PIK3CA: variants seen among roughly 807,000 people sequenced by gnomAD.
The protein encoded by PIK3CA is phosphatidylinositol-4,5-bisphosphate 3-kinase catalytic subunit alpha, also known as phosphatidylinositol 4,5-bisphosphate 3-kinase catalytic subunit alpha isoform.
In PIK3CA, 27 loss-of-function variants were observed where a neutral mutation model predicts 138.2. The observed-to-expected ratio is 0.20, with a 90% CI of 0.14 to 0.27. PIK3CA has a LOEUF of 0.27. Among genes scored for constraint, PIK3CA ranks in the 10% least tolerant of loss-of-function variants. PIK3CA has a pLI of 1.00. For synonymous variants in PIK3CA, 358 were observed against 413.2 expected (o/e 0.87, Z 1.62); for missense variants, 544 against 1,277.4 (o/e 0.43, Z 8.75).
chr3:179,228,281 A>G (rs772704769), intron 17 of PIK3CA, among the ~76,000 whole-genome samples: 5 of 152,004 alleles, frequency 3.3e-5, no homozygotes, highest in Non-Finnish European at 4.4e-5. Context: ...GTTTTTTAGT[A>G]TGGTATAATG....
intron 6 of PIK3CA, among the ~76,000 whole-genome samples, chr3:179,205,944 G>A (rs1193268906): frequency 6.6e-6 from 1 of 152,174 alleles, no homozygotes; most frequent in African/African-American, 2.4e-5. Flanking sequence ...CCCTTTTAGA[G>A]CCTAGGTAAG....
At chr3:179,232,387 T>G (rs1725233634) in intron 20 of PIK3CA, among the ~76,000 whole-genome samples, 1 of 152,080 alleles carries the variant, frequency 6.6e-6, no homozygotes, top group Non-Finnish European at 1.5e-5. Flanking sequence ...CCAATTTATG[T>G]TTTTATATGT....
At position 179,219,212 on chromosome 3, in the gene PIK3CA, A is replaced by G; in HGVS notation, c.1681A>G (p.Ile561Val). ...CCCACACAGACACTATTGTGTAACTATCCCCGAAATTCTACCCAAATTGCT... is the reference window on the plus strand; with the variant it reads ...CCCACACAGACACTATTGTGTAACTGTCCCCGAAATTCTACCCAAATTGCT... ...LWSHRHYCVT[I>V]PEILPKLLLS... Residue 561 changes from isoleucine (I) to valine (V), a missense_variant, in exon 11 of 21, where the codon ATC becomes GTC. Physicochemically the swap from Ile to Val is conservative, Grantham distance 29. Around this residue, in one of 14 missense-constraint regions of PIK3CA, gnomAD observed 13 missense variants for 16.1 expected, o/e 0.81. Coordinates refer to ENST00000263967, the MANE Select transcript of PIK3CA (RefSeq NM_006218.4). This position sits in a 1 kb window ranked among gnomAD's most constrained non-coding sequence, Gnocchi z 4.2. The G allele has an allele frequency of 6.3e-7, 1 of 1,598,830 alleles. No individual in the cohort carries two copies. Among genetic ancestry groups the G allele is most frequent in the Non-Finnish European group, 8.6e-7 (1 of 1,166,592 alleles).
At chr3:179,180,845 T>G (rs1723823554) in intron 1 of PIK3CA, among the ~76,000 whole-genome samples, 1 of 152,178 alleles carries the variant, frequency 6.6e-6, no homozygotes, top group African/African-American at 2.4e-5. Context: ...TTTGTAACTT[T>G]TAATTAATGA....
At chr3:179,210,364 GATATTTTT>G in intron 8 of PIK3CA, 26 bp downstream of exon 8, 1 of 1,582,746 alleles carries the variant, frequency 6.3e-7, no homozygotes, top group East Asian at 2.2e-5. Context: ...TCATAAATTA[GATATTTTT>G]TATGGCAGTC....
At chr3:179,151,484 A>C (rs1008116236) in intron 1 of PIK3CA, among the ~76,000 whole-genome samples, 1 of 152,202 alleles carries the variant, frequency 6.6e-6, no homozygotes, top group Non-Finnish European at 1.5e-5. Context: ...CTGGCTACAC[A>C]TTAGAATAAT....
intron 1 of PIK3CA, among the ~76,000 whole-genome samples, chr3:179,180,887 C>A (rs923222048): frequency 6.6e-6 from 1 of 151,992 alleles, no homozygotes; most frequent in African/African-American, 2.4e-5. Context: ...AAAATGTGAA[C>A]CTGAGAACTG....
intron 1 of PIK3CA, among the ~76,000 whole-genome samples, chr3:179,170,389 C>T (rs557180694): frequency 7.6e-4 from 116 of 152,286 alleles, no homozygotes; most frequent in Middle Eastern, 3.4e-3. Context: ...GGAGTGAATT[C>T]TAGTGGGGGA....
chr3:179,207,173 CTAAA>C (rs1365824596), intron 6 of PIK3CA, among the ~76,000 whole-genome samples: 1 of 152,114 alleles, frequency 6.6e-6, no homozygotes, highest in Non-Finnish European at 1.5e-5. Flanking sequence ...AAAATTCTTA[CTAAA>C]TATTTGTTTC....
chr3:179,155,995 TC>T (rs1478016595), intron 1 of PIK3CA, among the ~76,000 whole-genome samples: 1 of 152,182 alleles, frequency 6.6e-6, no homozygotes, highest in African/African-American at 2.4e-5. Context: ...CTAATACAAC[TC>T]CCAAATGCTG....
Position 179,178,203 on chromosome 3 carries a change from A to G in PIK3CA, c.-76-20547A>G, listed in dbSNP as rs1423984726. 5.5e-5 allele frequency among the ~76,000 whole-genome samples: 8 copies of G among 145,124 alleles called. No homozygotes were observed. The East Asian group carries it at 1.4e-3, about 26-fold the overall frequency. ...CAGGAGCTTGAGGCTGTAGTAAGCTATGATCATGCCACTGCACTCCAGCCT... is the reference window on the plus strand; with the variant it reads ...CAGGAGCTTGAGGCTGTAGTAAGCTGTGATCATGCCACTGCACTCCAGCCT... On this transcript the variant is annotated intron_variant, in intron 1 of 20. Coordinates refer to ENST00000263967, the MANE Select transcript of PIK3CA (RefSeq NM_006218.4).
At chr3:179,173,299 C>T (rs1723606979) in intron 1 of PIK3CA, among the ~76,000 whole-genome samples, 1 of 150,390 alleles carries the variant, frequency 6.6e-6, no homozygotes, top group Non-Finnish European at 1.5e-5. Flanking sequence ...TAGCTCACGC[C>T]TGTAATCCCA....
At chr3:179,184,058 G>A (rs940433027) in intron 1 of PIK3CA, among the ~76,000 whole-genome samples, 2 of 152,300 alleles carry the variant, frequency 1.3e-5, no homozygotes, top group Non-Finnish European at 2.9e-5. Flanking sequence ...TTAGGAGGAC[G>A]ACAGAAGACG....
chr3:179,193,651 C>G (rs1194673855), intron 1 of PIK3CA, among the ~76,000 whole-genome samples: 1 of 152,244 alleles, frequency 6.6e-6, no homozygotes, highest in Non-Finnish European at 1.5e-5. Context: ...CGCACACACA[C>G]TCTTCTAAGC....
Position 179,236,603 on chromosome 3 carries a change from T to G in PIK3CA, c.*2239T>G, listed in dbSNP as rs1725337453. 1 of 226,150 alleles carries G rather than the reference T, an allele frequency of 4.4e-6. No individual in the cohort carries two copies. Among genetic ancestry groups the G allele is most frequent in the Non-Finnish European group, 8.9e-6 (1 of 112,382 alleles). 14.0% of individuals were successfully genotyped at this position (226,150 alleles called of 1,614,324 possible). A position where few individuals can be genotyped will look rare whatever the true frequency, so the allele number is the denominator to read the frequency against. ...CCTCCTTGCACAAAATTTATACCAC[T>G]TTTGCATTTTTATCTATCAGTCCAG... On this transcript the variant is annotated 3_prime_UTR_variant, in exon 21 of 21. Transcript: ENST00000263967.
Position 179,201,379 on chromosome 3 carries a change from G to C in PIK3CA, c.652G>C (p.Glu218Gln), listed in dbSNP as rs587777792. 1 of 1,613,590 alleles carries C rather than the reference G, an allele frequency of 6.2e-7. No individual in the cohort carries two copies. Among genetic ancestry groups the C allele is most frequent in the South Asian group, 1.1e-5 (1 of 91,060 alleles). Residue 218 changes from glutamate (E) to glutamine (Q), a missense_variant, in exon 4 of 21, where the codon GAA becomes CAA. Coordinates refer to ENST00000263967, the MANE Select transcript of PIK3CA (RefSeq NM_006218.4). ...TLKINHDCVP[E>Q]QVIAEAIRKK... is the part of the protein sequence containing the mutation. ...GAAAATCAACCATGACTGTGTACCA[G>C]AACAAGTAATTGCTGAAGCAATCAG...
chr3:179,185,647 G>C (rs1435346208), intron 1 of PIK3CA, among the ~76,000 whole-genome samples: 2 of 152,218 alleles, frequency 1.3e-5, no homozygotes, highest in South Asian at 4.1e-4. Flanking sequence ...GCTTCTGACT[G>C]ACTGGCTATA....
At chr3:179,164,880 A>G (rs1049494294) in intron 1 of PIK3CA, among the ~76,000 whole-genome samples, 6 of 151,986 alleles carry the variant, frequency 3.9e-5, no homozygotes, top group Non-Finnish European at 8.8e-5. Context: ...AAAAAAAAAA[A>G]GAAAAAGAAA....
At chr3:179,173,707 G>T (rs1220808072) in intron 1 of PIK3CA, among the ~76,000 whole-genome samples, 1 of 152,168 alleles carries the variant, frequency 6.6e-6, no homozygotes. Context: ...AAAACTTGTA[G>T]AGGTGGGTTT....
Sources: allele counts gnomAD v4.1 joint callset (sites outside exome capture counted in the v4.1 genomes callset), GRCh38; gene constraint gnomAD v4.1.1; regional missense constraint gnomAD v4.1.1; non-coding constraint Gnocchi (gnomAD v3.1); transcripts MANE v1.5; gene names NCBI Gene and HGNC (gene_info 2026-07-23, HGNC 2026-07-21).